SLC25A47: variants seen among roughly 807,000 people sequenced by gnomAD.
SLC25A47 encodes the protein solute carrier family 25 member 47, also known as HCC-down-regulated mitochondrial carrier protein.
In SLC25A47, 30 loss-of-function variants were observed where a neutral mutation model predicts 29.8. The ratio of observed to expected loss-of-function variants is 1.01; its 90% CI spans 0.75 to 1.36. The LOEUF (loss-of-function observed/expected upper bound fraction) is 1.36. Among genes scored for constraint, SLC25A47 ranks in the 40% most tolerant of loss-of-function variants. The pLI is 0.00. For synonymous variants in SLC25A47, 204 were observed against 197.8 expected (o/e 1.03, Z -0.26); for missense variants, 430 against 441.9 (o/e 0.97, Z 0.24).
In SLC25A47 at chr14:100,329,696, G is replaced by A. The variant is rs1237101120; in HGVS notation, c.*51G>A. ...CCACCAGCAGCTGCTGGAGGTCGTA[G>A]TGGCTGGAGGAGGCAAGGGGTAGTG... On this transcript the variant is annotated 3_prime_UTR_variant, in exon 6 of 6. Transcript: ENST00000361529. 6.4e-7 allele frequency: 1 copy of A among 1,567,188 alleles called. No individual in the cohort carries two copies. The highest frequency in any genetic ancestry group is 2.2e-5 in the East Asian group (1 of 44,524).
chr14:100,329,927 CGGTT>C lies in SLC25A47; in HGVS notation c.*284_*287del. The C allele has an allele frequency of 2.0e-6, 1 of 489,352 alleles. No individual in the cohort carries two copies. 30.3% of individuals were successfully genotyped at this position (489,352 alleles called of 1,614,324 possible). On this transcript the variant is annotated 3_prime_UTR_variant, in exon 6 of 6. Coordinates refer to ENST00000361529, the MANE Select transcript of SLC25A47 (RefSeq NM_207117.4). ...ATGAGAGCGTTGAGTTGCATGGAGT[CGGTT>C]GTTCATCCCAGCCTCCCCATGGCCC... is the stretch of plus-strand genomic sequence containing the variant.
chr14:100,329,316 T>G (rs1893403578), intron 5 of SLC25A47, 49 bp from the exon 6 acceptor site: 2 of 1,542,878 alleles, frequency 1.3e-6, no homozygotes, highest in East Asian at 4.5e-5. Flanking sequence ...TGCGCTGCCC[T>G]GGGCGCCCCG....
intron 5 of SLC25A47, 39 bp from the exon 6 acceptor site, chr14:100,329,326 G>A (rs10147903): frequency 0.25 from 391,380 of 1,550,338 alleles, 56,460 homozygotes; most frequent in East Asian, 0.57. Context: ...TGGGCGCCCC[G>A]ATCAGGCTCC....
In SLC25A47 at chr14:100,327,084, C is replaced by T. The variant is rs527610073; in HGVS notation, c.145-104C>T. ...AGGCCCTGAGGCCGTGAATGACCTT[C>T]CCGAGGTCCGACAGCGGAGTGCGGA... On this transcript the variant is annotated intron_variant, in intron 3 of 5. Transcript: ENST00000361529. The T allele has an allele frequency of 5.0e-5, 57 of 1,147,504 alleles. No homozygotes were observed. The African/African-American group carries it at 8.6e-4, about 17-fold the overall frequency. 71.1% of individuals were successfully genotyped at this position (1,147,504 alleles called of 1,614,324 possible). A position where few individuals can be genotyped will look rare whatever the true frequency, so the allele number is the denominator to read the frequency against.
intron 4 of SLC25A47, among the ~76,000 whole-genome samples, chr14:100,327,733 C>T (rs1443001258): frequency 6.6e-6 from 1 of 152,266 alleles, no homozygotes. Context: ...TGAACACAGT[C>T]GGCCATTGCT....
At position 100,327,377 on chromosome 14, in the gene SLC25A47, A is replaced by G. The variant is rs1308287553; in HGVS notation, c.327+7A>G. The stretch of plus-strand genomic sequence containing the variant: ...CGCCTCCGGCCTCGTCCGCGTGAGT[A>G]GGGGCAGCCAGGGTGGGGAAGGCCC... On this transcript the variant is annotated splice_region_variant and intron_variant, in intron 4 of 5. Coordinates refer to ENST00000361529, the MANE Select transcript of SLC25A47 (RefSeq NM_207117.4). 1 of 1,583,020 alleles carries G rather than the reference A, an allele frequency of 6.3e-7. No individual in the cohort carries two copies.
chr14:100,324,863 A>G (rs1893308962), intron 1 of SLC25A47, among the ~76,000 whole-genome samples: 1 of 152,158 alleles, frequency 6.6e-6, no homozygotes, highest in African/African-American at 2.4e-5. Flanking sequence ...AGGGCTCCAG[A>G]GAGGAGGTAG....
chr14:100,329,747 C>A lies in SLC25A47; in HGVS notation c.*102C>A. The A allele has an allele frequency of 1.4e-6, 2 of 1,433,748 alleles. No homozygotes were observed. The highest frequency in any genetic ancestry group is 1.9e-6 in the Non-Finnish European group (2 of 1,065,472). The allele number at this position is 1,433,748 out of a possible 1,614,324, so 88.8% of individuals were successfully genotyped here. A position where few individuals can be genotyped will look rare whatever the true frequency, so the allele number is the denominator to read the frequency against. On this transcript the variant is annotated 3_prime_UTR_variant, in exon 6 of 6. Coordinates refer to ENST00000361529, the MANE Select transcript of SLC25A47 (RefSeq NM_207117.4). ...TGGCTGGGTTCGGGACCCCACAGGGCCATTGCCCAGGAGAATGAGGAGCCT... is the reference window on the plus strand; with the variant it reads ...TGGCTGGGTTCGGGACCCCACAGGGACATTGCCCAGGAGAATGAGGAGCCT...
chr14:100,329,188 A>G lies in SLC25A47; in HGVS notation c.646+144A>G, dbSNP rs947466982. The G allele has an allele frequency of 2.2e-5, 26 of 1,206,548 alleles. No individual in the cohort carries two copies. The East Asian group carries it at 2.8e-4, about 13-fold the overall frequency. 74.7% of individuals were successfully genotyped at this position (1,206,548 alleles called of 1,614,324 possible). On this transcript the variant is annotated intron_variant, in intron 5 of 5. Coordinates refer to ENST00000361529, the MANE Select transcript of SLC25A47 (RefSeq NM_207117.4). ...GAGTGGGCTCCTCAGTTCTCCCAACACCAAGAGTCAGGACAGACTTGCTGT... is the reference window on the plus strand; with the variant it reads ...GAGTGGGCTCCTCAGTTCTCCCAACGCCAAGAGTCAGGACAGACTTGCTGT...
chr14:100,323,427 G>A lies in SLC25A47; in HGVS notation c.13G>A (p.Ala5Thr), dbSNP rs144140477. Residue 5 changes from alanine (A) to threonine (T), a missense_variant, in exon 1 of 6, where the codon GCT becomes ACT. By Grantham distance (58) the Ala-to-Thr change is moderately conservative. Coordinates refer to ENST00000361529, the MANE Select transcript of SLC25A47 (RefSeq NM_207117.4). ...CCACACCTTGTTCATGGATTTTGTC[G>A]CTGGAGCCATCGGAGGTAACAGACA... Reference protein sequence around the residue: MDFVAGAIGGVCGVA... With the variant: MDFVTGAIGGVCGVA... The A allele has an allele frequency of 2.2e-5, 36 of 1,613,706 alleles. No homozygotes were observed. Among genetic ancestry groups the A allele is most frequent in the Admixed American group, 8.3e-5 (5 of 59,978 alleles).
rs1038144966 is a variant in SLC25A47 at position 100,327,340 on chromosome 14, G to A, written c.297G>A (p.Thr99=). Residue 99 remains threonine, a synonymous_variant, in exon 4 of 6, where the codon ACG becomes ACA. Coordinates refer to ENST00000361529, the MANE Select transcript of SLC25A47 (RefSeq NM_207117.4). ...CCAAGCCCACCAAGGCCGACATCACGCTCTCGGGATGCGCCTCCGGCCTCG... is the reference window on the plus strand; with the variant it reads ...CCAAGCCCACCAAGGCCGACATCACACTCTCGGGATGCGCCTCCGGCCTCG... ...PDAKPTKADI[T]LSGCASGLVR... is the part of the protein sequence containing the mutation. 8 of 1,600,680 alleles carry A rather than the reference G, an allele frequency of 5.0e-6. No homozygotes were observed. In the South Asian group the frequency reaches 6.6e-5, roughly 13 times the overall value.
intron 5 of SLC25A47, 40 bp from the exon 6 acceptor site, chr14:100,329,325 C>G: frequency 6.5e-7 from 1 of 1,549,126 alleles, no homozygotes; most frequent in Non-Finnish European, 8.7e-7. Context: ...CTGGGCGCCC[C>G]GATCAGGCTC....
At position 100,326,232 on chromosome 14, in the gene SLC25A47, G is replaced by C; in HGVS notation, c.144+4G>C. 1 of 1,613,540 alleles carries C rather than the reference G, an allele frequency of 6.2e-7. No individual in the cohort carries two copies. The highest frequency in any genetic ancestry group is 8.5e-7 in the Non-Finnish European group (1 of 1,179,852). On this transcript the variant is annotated splice_donor_region_variant and intron_variant, in intron 3 of 5. Coordinates refer to ENST00000361529, the MANE Select transcript of SLC25A47 (RefSeq NM_207117.4). ...GGATACGTATCACCGAGAGCGCGTAGGTCTGGGGCCAGGGGCTGGGTAGGG... is the reference window on the plus strand; with the variant it reads ...GGATACGTATCACCGAGAGCGCGTACGTCTGGGGCCAGGGGCTGGGTAGGG...
Position 100,329,827 on chromosome 14 carries a change from A to G in SLC25A47, c.*182A>G, listed in dbSNP as rs3742382. The G allele has an allele frequency of 3.5e-5, 30 of 858,286 alleles. No individual in the cohort carries two copies. In the East Asian group the frequency reaches 8.1e-4, roughly 23 times the overall value. 53.2% of individuals were successfully genotyped at this position (858,286 alleles called of 1,614,324 possible). ...CTCGCCCTGCCCAGCTACTGACCTC[A>G]GGTCGAGGGGCCCGCCAGCCATCAG... On this transcript the variant is annotated 3_prime_UTR_variant, in exon 6 of 6. Transcript: ENST00000361529.
intron 5 of SLC25A47, 51 bp from the exon 6 acceptor site, chr14:100,329,314 C>T (rs777059472): frequency 1.3e-6 from 2 of 1,540,712 alleles, no homozygotes; most frequent in Admixed American, 1.9e-5. Context: ...GGTGCGCTGC[C>T]CTGGGCGCCC....
Position 100,329,346 on chromosome 14 carries a change from C to T in SLC25A47, c.647-19C>T, listed in dbSNP as rs1229206645. 2.5e-6 allele frequency: 4 copies of T among 1,577,788 alleles called. No individual in the cohort carries two copies. The highest frequency in any genetic ancestry group is 3.4e-6 in the Non-Finnish European group (4 of 1,163,424). On this transcript the variant is annotated intron_variant, in intron 5 of 5. Transcript: ENST00000361529. The stretch of plus-strand genomic sequence containing the variant: ...GCCCCGATCAGGCTCCCAGTCAAGG[C>T]ACTGTGGTCTCTCTGCAGATGTCCC...
In SLC25A47 at chr14:100,330,151, C is replaced by T; in HGVS notation, c.*506C>T. Reference sequence around the variant, plus strand: ...GCTGGGCTGGCACCACGACTGAGGGCTCCCGGCTCGGCTTCTTCCCCACAG... The same window carrying T: ...GCTGGGCTGGCACCACGACTGAGGGTTCCCGGCTCGGCTTCTTCCCCACAG... On this transcript the variant is annotated 3_prime_UTR_variant, in exon 6 of 6. Coordinates refer to ENST00000361529, the MANE Select transcript of SLC25A47 (RefSeq NM_207117.4). 1 of 160,332 alleles carries T rather than the reference C, an allele frequency of 6.2e-6. No individual in the cohort carries two copies. Among genetic ancestry groups the T allele is most frequent in the Non-Finnish European group, 1.4e-5 (1 of 72,312 alleles). 9.9% of individuals were successfully genotyped at this position (160,332 alleles called of 1,614,324 possible). A position where few individuals can be genotyped will look rare whatever the true frequency, so the allele number is the denominator to read the frequency against.
At chr14:100,325,453 A>G (rs1010493336) in intron 1 of SLC25A47, among the ~76,000 whole-genome samples, 1 of 152,184 alleles carries the variant, frequency 6.6e-6, no homozygotes, top group Non-Finnish European at 1.5e-5. Flanking sequence ...GGTAGGATCA[A>G]ACGTTCTCTC....
At chr14:100,324,577 C>T in intron 1 of SLC25A47, among the ~76,000 whole-genome samples, 1 of 152,214 alleles carries the variant, frequency 6.6e-6, no homozygotes, top group East Asian at 1.9e-4. Flanking sequence ...GGGCCAGCCG[C>T]TCCCTTCCTC....
Sources: gnomAD v4.1 joint callset for allele counts (sites outside exome capture counted in the v4.1 genomes callset) on GRCh38, gnomAD v4.1.1 for gene constraint, MANE v1.5 for transcripts, NCBI Gene and HGNC (gene_info 2026-07-23, HGNC 2026-07-21) for gene names.